Variants in ADAM18 observed in about 807,000 individuals in gnomAD.
ADAM18 encodes the protein ADAM metallopeptidase domain 18.
A neutral mutation model predicts 94.4 loss-of-function variants in ADAM18; 117 were observed. That is an observed-to-expected ratio of 1.24 (90% CI 1.07 to 1.45). ADAM18 has a LOEUF of 1.45. ADAM18 is among the 40% of genes most tolerant of loss of function. The probability of loss-of-function intolerance (pLI) is 0.00; values close to 1 mark genes in which losing one functional copy is unlikely to be tolerated. For synonymous variants in ADAM18, 327 were observed against 291.6 expected, an observed-to-expected ratio of 1.12 and a Z score of -1.24; for missense variants, 936 against 880.0, an observed-to-expected ratio of 1.06 and a Z score of -0.81.
At chr8:39,650,856 G>T (rs1358911503) in intron 12 of ADAM18, among the ~76,000 whole-genome samples, 2 of 152,160 alleles carry the variant, frequency 1.3e-5, no homozygotes, top group East Asian at 3.9e-4. Context: ...TGAGAGACTT[G>T]AGAAAAGAAA....
At chr8:39,608,591 C>T (rs995129756) in intron 3 of ADAM18, among the ~76,000 whole-genome samples, 1 of 151,968 alleles carries the variant, frequency 6.6e-6, no homozygotes, top group African/African-American at 2.4e-5. Flanking sequence ...ATCATCTATT[C>T]AGAGAGGTTT....
Position 39,649,247 on chromosome 8 carries a change from T to C in ADAM18, c.1230+720T>C, listed in dbSNP as rs183521552. Among the ~76,000 whole-genome samples, 911 of 152,232 alleles carry C rather than the reference T, an allele frequency of 6.0e-3. 5 individuals carry two copies. Among genetic ancestry groups the C allele is most frequent in the African/African-American group, 0.021 (866 of 41,548 alleles). On this transcript the variant is annotated intron_variant, in intron 12 of 19. Transcript: ENST00000265707. ...CATACCATTAAATTCTCTCAATTCT[T>C]TTAAGTCATCCTATATTTCACAAGG...
chr8:39,592,889 A>G (rs1818617719), intron 2 of ADAM18, among the ~76,000 whole-genome samples: 1 of 152,212 alleles, frequency 6.6e-6, no homozygotes, highest in South Asian at 2.1e-4. Context: ...TCTCTAGCTG[A>G]GTCCTAGATG....
intron 2 of ADAM18, among the ~76,000 whole-genome samples, chr8:39,591,325 G>A (rs1340658283): frequency 6.6e-6 from 1 of 152,130 alleles, no homozygotes; most frequent in African/African-American, 2.4e-5. Flanking sequence ...CTGTTTGATA[G>A]CATTTTACCC....
At chr8:39,614,954 A>G (rs948982180) in intron 6 of ADAM18, among the ~76,000 whole-genome samples, 1 of 152,194 alleles carries the variant, frequency 6.6e-6, no homozygotes, top group Non-Finnish European at 1.5e-5. Flanking sequence ...CAGATTCATA[A>G]AGCAAGTTCT....
chr8:39,629,074 A>G lies in ADAM18; in HGVS notation c.523-300A>G, dbSNP rs577835080. Among the ~76,000 whole-genome samples the G allele has an allele frequency of 2.1e-4, 32 of 152,098 alleles. No individual in the cohort carries two copies. The South Asian group carries it at 6.4e-3, about 31-fold the overall frequency. The stretch of plus-strand genomic sequence containing the variant: ...ATAAGACAGTCAGTGAAAAATGTTC[A>G]AAGTGTAGAGTTGTCTGCAGATGAA... On this transcript the variant is annotated intron_variant, in intron 6 of 19. Transcript: ENST00000265707.
intron 12 of ADAM18, among the ~76,000 whole-genome samples, chr8:39,651,894 T>C (rs938718545): frequency 6.6e-6 from 1 of 151,816 alleles, no homozygotes; most frequent in African/African-American, 2.4e-5. Context: ...GATAATGACA[T>C]AAAAACACAT....
intron 4 of ADAM18, 138 bp from the exon 5 acceptor site, chr8:39,609,347 T>C: frequency 1.4e-6 from 1 of 704,806 alleles, no homozygotes; most frequent in African/African-American, 1.8e-5. Flanking sequence ...ACAAATCTTT[T>C]TTTTTCTGAA....
chr8:39,647,102 G>A (rs990395978), intron 11 of ADAM18, among the ~76,000 whole-genome samples: 3 of 151,894 alleles, frequency 2.0e-5, no homozygotes, highest in East Asian at 3.9e-4. Context: ...CCAGGAGACC[G>A]GCACTCAGTA....
chr8:39,648,139 T>A (rs1820435633), intron 11 of ADAM18, among the ~76,000 whole-genome samples: 1 of 152,210 alleles, frequency 6.6e-6, no homozygotes, highest in Admixed American at 6.5e-5. Context: ...ATTACCTTGA[T>A]GAGAAAATAG....
chr8:39,622,992 A>G (rs1819657023), intron 6 of ADAM18, among the ~76,000 whole-genome samples: 1 of 152,088 alleles, frequency 6.6e-6, no homozygotes, highest in Non-Finnish European at 1.5e-5. Flanking sequence ...TGTTCATTGT[A>G]CCCAATATGT....
At chr8:39,661,928 TTA>T (rs150994423) in intron 12 of ADAM18, among the ~76,000 whole-genome samples, 1 of 148,002 alleles carries the variant, frequency 6.8e-6, no homozygotes. Context: ...TAGGCTTATT[TTA>T]TATATATATA....
chr8:39,723,460 T>G (rs919156826), intron 18 of ADAM18, among the ~76,000 whole-genome samples: 1 of 151,638 alleles, frequency 6.6e-6, no homozygotes, highest in African/African-American at 2.4e-5. Flanking sequence ...ACTTAATCCC[T>G]ATTACTGTAT....
chr8:39,687,659 C>A (rs535050044), intron 16 of ADAM18, among the ~76,000 whole-genome samples: 1 of 152,234 alleles, frequency 6.6e-6, no homozygotes, highest in East Asian at 1.9e-4. Flanking sequence ...TCTATTGTTC[C>A]ATTTTTTTAC....
At chr8:39,694,126 C>T (rs1017650993) in intron 17 of ADAM18, among the ~76,000 whole-genome samples, 6 of 151,202 alleles carry the variant, frequency 4.0e-5, no homozygotes, top group African/African-American at 1.5e-4. Flanking sequence ...TAAATTCAGA[C>T]TTTTATGCAT....
At chr8:39,704,928 G>A (rs1363147479) in intron 17 of ADAM18, among the ~76,000 whole-genome samples, 2 of 152,060 alleles carry the variant, frequency 1.3e-5, no homozygotes, top group Non-Finnish European at 2.9e-5. Flanking sequence ...TCATTGGAGG[G>A]GTGGGGAACT....
At chr8:39,716,975 T>G (rs1260286427) in intron 18 of ADAM18, among the ~76,000 whole-genome samples, 9 of 151,940 alleles carry the variant, frequency 5.9e-5, no homozygotes, top group Non-Finnish European at 1.2e-4. Context: ...GACAGTCTAT[T>G]TTGTCTGATA....
chr8:39,719,606 A>G (rs935292695), intron 18 of ADAM18, among the ~76,000 whole-genome samples: 4 of 151,452 alleles, frequency 2.6e-5, no homozygotes, highest in African/African-American at 9.7e-5. Context: ...AATCCTTGAA[A>G]CTTAATTTAA....
At chr8:39,634,228 T>C (rs1563283836) in intron 7 of ADAM18, among the ~76,000 whole-genome samples, 1 of 152,140 alleles carries the variant, frequency 6.6e-6, no homozygotes, top group Non-Finnish European at 1.5e-5. Flanking sequence ...GAACCTTGGC[T>C]GTGTCCACCT....
Sources: gnomAD v4.1 joint callset for allele counts (sites outside exome capture counted in the v4.1 genomes callset) on GRCh38, gnomAD v4.1.1 for gene constraint, MANE v1.5 for transcripts, NCBI Gene and HGNC (gene_info 2026-07-23, HGNC 2026-07-21) for gene names.